SMARCA2: variants seen among roughly 807,000 people sequenced by gnomAD.
The protein encoded by SMARCA2 is SWI/SNF related BAF chromatin remodeling complex subunit ATPase 2, also known as SWI/SNF-related matrix-associated actin-dependent regulator of chromatin subfamily A member 2.
Under a neutral mutation model 199.8 loss-of-function variants are expected in SMARCA2, and 61 were observed. The ratio of observed to expected loss-of-function variants is 0.31; its 90% confidence interval spans 0.25 to 0.38. The LOEUF is 0.38. Ranked by LOEUF, SMARCA2 falls within the 10% of genes least tolerant of loss-of-function variation. The pLI, the probability that SMARCA2 is intolerant of heterozygous loss-of-function variation, is 1.00. For synonymous variants in SMARCA2, 935 were observed against 732.0 expected (o/e 1.28, Z -4.48); for missense variants, 1,344 against 2,012.2 (o/e 0.67, Z 6.35).
Position 2,083,589 on chromosome 9 carries a change from A to C in SMARCA2, c.2415+176A>C, listed in dbSNP as rs536035847. Among the ~76,000 whole-genome samples the C allele has an allele frequency of 2.0e-5, 3 of 152,378 alleles. No individual in the cohort carries two copies. The South Asian group carries it at 6.2e-4, about 32-fold the overall frequency. On this transcript the variant is annotated intron_variant, in intron 16 of 33. Coordinates refer to ENST00000349721, the MANE Select transcript of SMARCA2 (RefSeq NM_003070.5). ...AAGATTACTGTAATAAACCATAATT[A>C]CTTTCAGATAGTGAAATCCAGAAGA... is the stretch of plus-strand genomic sequence containing the variant.
At chr9:2,038,997 T>G (rs991171606) in intron 3 of SMARCA2, among the ~76,000 whole-genome samples, 3 of 152,198 alleles carry the variant, frequency 2.0e-5, no homozygotes, top group Admixed American at 1.3e-4. Flanking sequence ...TGTCCCTTGG[T>G]TAGTGGTGAA....
At chr9:2,156,402 T>C (rs1825361134) in intron 27 of SMARCA2, among the ~76,000 whole-genome samples, 1 of 148,780 alleles carries the variant, frequency 6.7e-6, no homozygotes, top group Non-Finnish European at 1.5e-5. Context: ...CCATAAAGTT[T>C]ACCATTTTAG....
intron 1 of SMARCA2, among the ~76,000 whole-genome samples, chr9:2,023,503 G>A (rs1208765556): frequency 1.3e-5 from 2 of 152,140 alleles, no homozygotes; most frequent in African/African-American, 2.4e-5. Context: ...TGATTTTCTA[G>A]GGTCTTGATG....
At chr9:2,142,489 C>G (rs1205645863) in intron 27 of SMARCA2, among the ~76,000 whole-genome samples, 1 of 152,112 alleles carries the variant, frequency 6.6e-6, no homozygotes. Context: ...AGATAAACAG[C>G]TTGGTTTCAG....
At position 2,110,177 on chromosome 9, in the gene SMARCA2, A is replaced by G; in HGVS notation, c.3293-77A>G. 8.4e-7 allele frequency: 1 copy of G among 1,193,688 alleles called. No individual in the cohort carries two copies. The highest frequency in any genetic ancestry group is 1.6e-5 in the South Asian group (1 of 64,266). 73.9% of individuals were successfully genotyped at this position (1,193,688 alleles called of 1,614,324 possible). A position where few individuals can be genotyped will look rare whatever the true frequency, so the allele number is the denominator to read the frequency against. ...GAGTCTGGGTATATTTCTTGAAGGA[A>G]GCAAGCCTTTTTGTCTCATTCTGTG... On this transcript the variant is annotated intron_variant, in intron 23 of 33. Coordinates refer to ENST00000349721, the MANE Select transcript of SMARCA2 (RefSeq NM_003070.5). This position sits in a 1 kb window ranked among gnomAD's most constrained non-coding sequence, Gnocchi z 4.8.
At chr9:2,048,811 C>T (rs553139738) in intron 5 of SMARCA2, among the ~76,000 whole-genome samples, 54 of 152,294 alleles carry the variant, frequency 3.5e-4, no homozygotes, top group African/African-American at 1.2e-3. Context: ...TGCTGATAGG[C>T]AGATTCTGCT....
intron 14 of SMARCA2, chr9:2,080,259 C>T (rs1365927073): frequency 6.6e-6 from 1 of 152,204 alleles, no homozygotes; most frequent in Non-Finnish European, 1.5e-5. Context: ...TAGAGAGCCA[C>T]ATAAGCTTGG....
At chr9:2,113,692 G>A (rs1201583036) in intron 24 of SMARCA2, among the ~76,000 whole-genome samples, 1 of 152,126 alleles carries the variant, frequency 6.6e-6, no homozygotes, top group Non-Finnish European at 1.5e-5. Flanking sequence ...AAACTTAACT[G>A]CAGCAAATTC....
intron 32 of SMARCA2, 36 bp from the exon 33 acceptor site, chr9:2,191,230 A>T: frequency 6.2e-7 from 1 of 1,604,600 alleles, no homozygotes; most frequent in East Asian, 2.2e-5. Context: ...CCTTGTGATT[A>T]CTCACTGGTG....
chr9:2,136,281 G>A (rs545178805), intron 27 of SMARCA2, among the ~76,000 whole-genome samples: 154 of 147,488 alleles, frequency 1.0e-3, no homozygotes, highest in African/African-American at 3.6e-3. Context: ...TGCGCTTCTC[G>A]GGTTCAAACA....
At chr9:2,191,446 C>G (rs1488384042) in intron 33 of SMARCA2, 38 bp downstream of exon 33, 3 of 1,609,252 alleles carry the variant, frequency 1.9e-6, no homozygotes, top group Admixed American at 1.7e-5. Context: ...CGGAGACGCC[C>G]TCTCCCCTGC....
chr9:2,162,629 G>A (rs556477105), intron 28 of SMARCA2: 4 of 152,318 alleles, frequency 2.6e-5, no homozygotes, highest in South Asian at 4.1e-4. Flanking sequence ...TTATTATCAC[G>A]TGGTAATGTT....
chr9:2,123,962 T>G lies in SMARCA2; in HGVS notation c.3981+25T>G. On this transcript the variant is annotated intron_variant, in intron 27 of 33. Coordinates refer to ENST00000349721, the MANE Select transcript of SMARCA2 (RefSeq NM_003070.5). The surrounding 1 kb of genome is among the most constrained non-coding windows in gnomAD (Gnocchi z 4.1). ...GGTAAGCCTAGCTTTTCTAACCCGC[T>G]CTCACTAGGTGGAGGGTTTTTGGTG... 1 of 1,532,970 alleles carries G rather than the reference T, an allele frequency of 6.5e-7. No homozygotes were observed. The allele number at this position is 1,532,970 out of a possible 1,614,324, so 95.0% of individuals were successfully genotyped here. A position where few individuals can be genotyped will look rare whatever the true frequency, so the allele number is the denominator to read the frequency against.
intron 3 of SMARCA2, among the ~76,000 whole-genome samples, chr9:2,037,681 T>A (rs956728796): frequency 9.9e-5 from 15 of 152,230 alleles, no homozygotes; most frequent in African/African-American, 3.6e-4. Context: ...GGTTCGGGCA[T>A]GCAGCAGGAA....
chr9:2,020,132 G>A (rs976828053), intron 1 of SMARCA2, among the ~76,000 whole-genome samples: 1 of 152,180 alleles, frequency 6.6e-6, no homozygotes, highest in African/African-American at 2.4e-5. Flanking sequence ...AAAACTATAT[G>A]AGTTACATTT....
At chr9:2,145,020 C>G (rs1824664001) in intron 27 of SMARCA2, among the ~76,000 whole-genome samples, 1 of 152,176 alleles carries the variant, frequency 6.6e-6, no homozygotes, top group African/African-American at 2.4e-5. Context: ...GAGAAACGCG[C>G]TGGTTATGGT....
chr9:2,083,116 G>A (rs904521271), intron 15 of SMARCA2, among the ~76,000 whole-genome samples: 10 of 151,628 alleles, frequency 6.6e-5, no homozygotes, highest in Non-Finnish European at 1.0e-4. Flanking sequence ...GTATTCTTTA[G>A]TTTTTTTCTT....
At chr9:2,034,212 C>T (rs1239157734) in intron 3 of SMARCA2, among the ~76,000 whole-genome samples, 1 of 136,418 alleles carries the variant, frequency 7.3e-6, no homozygotes, top group Non-Finnish European at 1.5e-5. Flanking sequence ...CCATTGCTCT[C>T]TAGCCTGGCG....
chr9:2,039,829 A>AGCAGCAGCCGCC lies in SMARCA2; in HGVS notation c.723_734dup (p.Gln242_Gln245dup). ...CAGCAGCAGCAGCAACAGCAGCCGCAGCAGCAGCCGCCGCAACCACAGACG... is the reference window on the plus strand; with the variant it reads ...CAGCAGCAGCAGCAACAGCAGCCGCAGCAGCAGCCGCCGCAGCAGCCGCCGCAACCACAGACG... On this transcript the variant is annotated inframe_insertion, in exon 4 of 34. Coordinates refer to ENST00000349721, the MANE Select transcript of SMARCA2 (RefSeq NM_003070.5). The surrounding 1 kb of genome is among the most constrained non-coding windows in gnomAD (Gnocchi z 4.8). The AGCAGCAGCCGCC allele has an allele frequency of 6.2e-7, 1 of 1,610,706 alleles. No individual in the cohort carries two copies. Among genetic ancestry groups the AGCAGCAGCCGCC allele is most frequent in the South Asian group, 1.1e-5 (1 of 90,788 alleles).
Sources: allele counts gnomAD v4.1 joint callset (sites outside exome capture counted in the v4.1 genomes callset), GRCh38; gene constraint gnomAD v4.1.1; non-coding constraint Gnocchi (gnomAD v3.1); transcripts MANE v1.5; gene names NCBI Gene and HGNC (gene_info 2026-07-23, HGNC 2026-07-21).